Variants in RASAL2 observed in about 807,000 individuals in gnomAD.
RASAL2 encodes ras GTPase-activating protein nGAP.
A neutral mutation model predicts 128.9 loss-of-function variants in RASAL2; 58 were observed. The observed-to-expected ratio is 0.45, with a 90% confidence interval of 0.36 to 0.56. The LOEUF is 0.56. RASAL2 is among the 20% of genes least tolerant of loss of function. RASAL2 has a pLI of 0.00. For synonymous variants in RASAL2, 561 were observed against 580.8 expected (o/e 0.97, Z 0.49); for missense variants, 1,360 against 1,601.6 (o/e 0.85, Z 2.57).
At chr1:178,130,192 T>C (rs1350385924) in intron 1 of RASAL2, among the ~76,000 whole-genome samples, 1 of 152,214 alleles carries the variant, frequency 6.6e-6, no homozygotes, top group Non-Finnish European at 1.5e-5. Flanking sequence ...CCAATTTCCA[T>C]ATCTGTTTCA....
chr1:178,245,974 G>C (rs2102067205), intron 1 of RASAL2, among the ~76,000 whole-genome samples: 1 of 152,262 alleles, frequency 6.6e-6, no homozygotes, highest in South Asian at 2.1e-4. Context: ...CTGTAGCCTT[G>C]TAGTATAGTT....
At chr1:178,301,121 T>C (rs961164434) in intron 3 of RASAL2, among the ~76,000 whole-genome samples, 7 of 152,176 alleles carry the variant, frequency 4.6e-5, no homozygotes, top group Non-Finnish European at 1.0e-4. Flanking sequence ...ATTTGAATCT[T>C]TTATTTTTCT....
At chr1:178,193,513 A>G (rs1209468574) in intron 1 of RASAL2, among the ~76,000 whole-genome samples, 1 of 152,178 alleles carries the variant, frequency 6.6e-6, no homozygotes, top group African/African-American at 2.4e-5. Flanking sequence ...GACGCTTTGT[A>G]AAACTTAATT....
At chr1:178,228,450 G>A (rs1260466318) in intron 1 of RASAL2, among the ~76,000 whole-genome samples, 1 of 152,114 alleles carries the variant, frequency 6.6e-6, no homozygotes, top group Non-Finnish European at 1.5e-5. Context: ...GGGTGTGGTG[G>A]CGGGTGCCTG....
At chr1:178,403,930 G>A (rs776003637) in intron 4 of RASAL2, among the ~76,000 whole-genome samples, 4 of 152,100 alleles carry the variant, frequency 2.6e-5, no homozygotes, top group Non-Finnish European at 4.4e-5. Flanking sequence ...TTTACAACAT[G>A]TAGGAAACTA....
chr1:178,385,524 C>G (rs1471125404), intron 3 of RASAL2, among the ~76,000 whole-genome samples: 1 of 151,690 alleles, frequency 6.6e-6, no homozygotes, highest in Admixed American at 6.6e-5. Flanking sequence ...CATGTCTGAC[C>G]AGGTGGTTTT....
chr1:178,436,926 C>T (rs1374834149), intron 5 of RASAL2, among the ~76,000 whole-genome samples: 1 of 152,026 alleles, frequency 6.6e-6, no homozygotes, highest in Non-Finnish European at 1.5e-5. Context: ...CGTCTCTTTT[C>T]TATTGCCTTT....
intron 3 of RASAL2, among the ~76,000 whole-genome samples, chr1:178,318,134 T>G (rs1393477546): frequency 6.6e-6 from 1 of 152,218 alleles, no homozygotes; most frequent in Non-Finnish European, 1.5e-5. Flanking sequence ...GAGTTCTAGT[T>G]GGATTGCACT....
At chr1:178,317,443 A>G (rs1668541534) in intron 3 of RASAL2, among the ~76,000 whole-genome samples, 1 of 147,156 alleles carries the variant, frequency 6.8e-6, no homozygotes, top group South Asian at 2.1e-4. Flanking sequence ...TGGTTGGTAA[A>G]CTATTGATTA....
chr1:178,277,509 T>A (rs1666580967), intron 1 of RASAL2, among the ~76,000 whole-genome samples: 1 of 152,252 alleles, frequency 6.6e-6, no homozygotes, highest in African/African-American at 2.4e-5. Context: ...TTAGCTTTTA[T>A]GAAGTAATAC....
chr1:178,373,779 C>T (rs926485283), intron 3 of RASAL2, among the ~76,000 whole-genome samples: 15 of 152,032 alleles, frequency 9.9e-5, no homozygotes, highest in African/African-American at 3.1e-4. Context: ...CCCATCCCTG[C>T]TCCTGTCCTC....
intron 1 of RASAL2, among the ~76,000 whole-genome samples, chr1:178,197,836 C>T (rs557305846): frequency 1.3e-5 from 2 of 152,248 alleles, no homozygotes; most frequent in East Asian, 1.9e-4. Context: ...TCTCCTAATG[C>T]TATCCTTCCC....
At chr1:178,295,386 G>A (rs1413049766) in intron 2 of RASAL2, among the ~76,000 whole-genome samples, 1 of 151,872 alleles carries the variant, frequency 6.6e-6, no homozygotes, top group Non-Finnish European at 1.5e-5. Context: ...CCCCCCAGCA[G>A]GCCCTGGTGT....
chr1:178,229,583 C>T (rs1303074054), intron 1 of RASAL2, among the ~76,000 whole-genome samples: 1 of 151,888 alleles, frequency 6.6e-6, no homozygotes, highest in African/African-American at 2.4e-5. Flanking sequence ...TGTTGTATCC[C>T]TCACTGTTCA....
chr1:178,247,475 C>G (rs1290814922), intron 1 of RASAL2, among the ~76,000 whole-genome samples: 1 of 151,876 alleles, frequency 6.6e-6, no homozygotes, highest in Non-Finnish European at 1.5e-5. Context: ...TCTTATTAGT[C>G]TATCTAGTAG....
At chr1:178,105,983 CTT>C (rs1288790434) in intron 1 of RASAL2, among the ~76,000 whole-genome samples, 1 of 152,114 alleles carries the variant, frequency 6.6e-6, no homozygotes, top group Non-Finnish European at 1.5e-5. Flanking sequence ...GCCACGTTTT[CTT>C]TTTGAACTCA....
intron 1 of RASAL2, among the ~76,000 whole-genome samples, chr1:178,210,781 T>C (rs1264962920): frequency 6.6e-6 from 1 of 152,208 alleles, no homozygotes; most frequent in Non-Finnish European, 1.5e-5. Flanking sequence ...TGGAAATCAT[T>C]TTGGGCTTAG....
intron 1 of RASAL2, among the ~76,000 whole-genome samples, chr1:178,189,227 T>C (rs1483412481): frequency 1.3e-5 from 2 of 152,188 alleles, no homozygotes; most frequent in African/African-American, 4.8e-5. Context: ...TTATATTCCT[T>C]GGTATGTATT....
At position 178,457,995 on chromosome 1, in the gene RASAL2, C is replaced by G. The variant is rs1677899976; in HGVS notation, c.2703C>G (p.Pro901=). ...CCCAGAGCACTCCCCAAAGTGCACC[C>G]CAAGTGAGAAGGCCCCTGCACCCAG... The part of the protein sequence containing the change: ...RETQSTPQSA[P]QVRRPLHPAL... The change falls in exon 14 of 18, where the codon CCC becomes CCG. Residue 901 remains proline, a synonymous_variant. Transcript: ENST00000367649. 2 of 1,614,020 alleles carry G rather than the reference C, an allele frequency of 1.2e-6. No individual in the cohort carries two copies. The highest frequency in any genetic ancestry group is 1.7e-6 in the Non-Finnish European group (2 of 1,180,042).
Sources: allele counts gnomAD v4.1 joint callset (sites outside exome capture counted in the v4.1 genomes callset), GRCh38; gene constraint gnomAD v4.1.1; transcripts MANE v1.5; gene names NCBI Gene and HGNC (gene_info 2026-07-23, HGNC 2026-07-21).